The following DLG2 variants were observed in gnomAD, a reference collection of about 807,000 sequenced individuals.
The protein encoded by DLG2 is discs large MAGUK scaffold protein 2, also known as disks large homolog 2.
DLG2 carries 45 observed loss-of-function variants against 132.5 expected under a neutral mutation model. The observed-to-expected ratio is 0.34, with a 90% confidence interval of 0.27 to 0.44. DLG2 has a LOEUF of 0.44. DLG2 is among the 20% of genes least tolerant of loss of function. The pLI, the probability that DLG2 is intolerant of heterozygous loss-of-function variation, is 1.00. For missense variants in DLG2, 1,045 were observed against 1,196.9 expected, an observed-to-expected ratio of 0.87 and a Z score of 1.87; for synonymous variants, 424 against 419.6, an observed-to-expected ratio of 1.01 and a Z score of -0.13.
chr11:83,894,220 T>C (rs1371180633), intron 15 of DLG2, among the ~76,000 whole-genome samples: 1 of 152,192 alleles, frequency 6.6e-6, no homozygotes, highest in Non-Finnish European at 1.5e-5. Flanking sequence ...CTGTGCTAGG[T>C]AGTATAAGAG....
intron 7 of DLG2, among the ~76,000 whole-genome samples, chr11:84,283,942 C>CA (rs113907500): frequency 2.8e-4 from 42 of 151,944 alleles, no homozygotes; most frequent in Admixed American, 2.4e-3. Context: ...CTCTTAAAAA[C>CA]AAAAAAACAA....
At chr11:85,490,713 A>C (rs1376901874) in intron 3 of DLG2, among the ~76,000 whole-genome samples, 1 of 152,072 alleles carries the variant, frequency 6.6e-6, no homozygotes, top group Non-Finnish European at 1.5e-5. Flanking sequence ...GAAATGGATA[A>C]ATTTCTAAAA....
chr11:84,815,867 C>T (rs1566039176), intron 6 of DLG2, among the ~76,000 whole-genome samples: 1 of 151,968 alleles, frequency 6.6e-6, no homozygotes, highest in African/African-American at 2.4e-5. Flanking sequence ...AAGCCATTTC[C>T]TTCTCTCATC....
At chr11:84,844,105 TTGTGTGTGTGTGTG>T (rs1213298818) in intron 6 of DLG2, among the ~76,000 whole-genome samples, 77 of 80,936 alleles carry the variant, frequency 9.5e-4, no homozygotes, top group African/African-American at 3.2e-3. Flanking sequence ...ATATATATGT[TTGTGTGTGTGTGTG>T]TGTGTGTGTG....
At chr11:84,508,955 T>C (rs2099249906) in intron 7 of DLG2, among the ~76,000 whole-genome samples, 1 of 152,196 alleles carries the variant, frequency 6.6e-6, no homozygotes, top group Non-Finnish European at 1.5e-5. Context: ...ACCGTCTTAC[T>C]ACCAATGTAT....
intron 3 of DLG2, among the ~76,000 whole-genome samples, chr11:85,344,161 T>C (rs1338095160): frequency 6.6e-6 from 1 of 152,172 alleles, no homozygotes; most frequent in Admixed American, 6.5e-5. Context: ...AAAATGCAAA[T>C]AATACTTGCT....
chr11:85,136,476 A>G (rs1241724918), intron 5 of DLG2, among the ~76,000 whole-genome samples: 1 of 152,026 alleles, frequency 6.6e-6, no homozygotes, highest in African/African-American at 2.4e-5. Flanking sequence ...ATTGACATGA[A>G]GCATTTTTTT....
At position 84,622,105 on chromosome 11, in the gene DLG2, T is replaced by C. The variant is rs529975385; in HGVS notation, c.358-87374A>G. 2.0e-4 allele frequency among the ~76,000 whole-genome samples: 31 copies of C among 152,278 alleles called. No homozygotes were observed. In the South Asian group the frequency reaches 6.4e-3, roughly 32 times the overall value. On this transcript the variant is annotated intron_variant, in intron 6 of 27. Transcript: ENST00000376104. ...GATATAATTTTGACTTAATAGTTTG[T>C]CCACAGAGAATGGGCTGCTTTGTAT...
At chr11:85,476,260 G>A (rs575885400) in intron 3 of DLG2, among the ~76,000 whole-genome samples, 3 of 152,118 alleles carry the variant, frequency 2.0e-5, no homozygotes, top group South Asian at 2.1e-4. Flanking sequence ...ATTTTTAAAC[G>A]ATACTTCTGT....
chr11:83,563,535 T>G (rs546062002), intron 19 of DLG2, among the ~76,000 whole-genome samples: 3 of 152,172 alleles, frequency 2.0e-5, no homozygotes. Context: ...AACACAACTT[T>G]CTGTAAAACT....
chr11:84,984,102 A>C (rs187815301), intron 6 of DLG2, among the ~76,000 whole-genome samples: 1 of 152,338 alleles, frequency 6.6e-6, no homozygotes. Context: ...ATAATTAAGT[A>C]AAACTTCCCT....
intron 6 of DLG2, among the ~76,000 whole-genome samples, chr11:84,589,246 T>C (rs2099537158): frequency 1.3e-5 from 2 of 152,158 alleles, no homozygotes; most frequent in Admixed American, 1.3e-4. Context: ...ATAGCAAATC[T>C]GGAGAAATAT....
At chr11:84,701,092 C>T (rs1189107230) in intron 6 of DLG2, among the ~76,000 whole-genome samples, 1 of 151,652 alleles carries the variant, frequency 6.6e-6, no homozygotes, top group East Asian at 1.9e-4. Flanking sequence ...TGAGACCATC[C>T]TGTCTTCCTC....
At chr11:84,798,296 G>A (rs564082267) in intron 6 of DLG2, among the ~76,000 whole-genome samples, 1 of 152,172 alleles carries the variant, frequency 6.6e-6, no homozygotes, top group Non-Finnish European at 1.5e-5. Context: ...TTTCAGTGAT[G>A]CTATCTGAAA....
At chr11:85,285,410 T>C in intron 3 of DLG2, 45 bp from the exon 4 acceptor site, 1 of 1,579,414 alleles carries the variant, frequency 6.3e-7, no homozygotes, top group African/African-American at 1.4e-5. Context: ...AATGCATGAC[T>C]TCATAAATAG....
chr11:84,421,714 G>GC (rs1297624182), intron 7 of DLG2, among the ~76,000 whole-genome samples: 1 of 151,972 alleles, frequency 6.6e-6, no homozygotes, highest in Non-Finnish European at 1.5e-5. Flanking sequence ...TTACCATCTG[G>GC]CCCCAGCTGA....
chr11:84,721,728 C>A (rs1231960907), intron 6 of DLG2, among the ~76,000 whole-genome samples: 1 of 152,158 alleles, frequency 6.6e-6, no homozygotes, highest in Non-Finnish European at 1.5e-5. Context: ...GAGAGCAAAA[C>A]ATCCGAGTTT....
chr11:84,452,414 T>C (rs1047359996), intron 7 of DLG2, among the ~76,000 whole-genome samples: 1 of 151,766 alleles, frequency 6.6e-6, no homozygotes, highest in African/African-American at 2.4e-5. Context: ...AATACCATGA[T>C]ATGACTAATG....
At chr11:85,544,234 T>C (rs1340256741) in intron 3 of DLG2, among the ~76,000 whole-genome samples, 2 of 152,226 alleles carry the variant, frequency 1.3e-5, no homozygotes, top group Non-Finnish European at 2.9e-5. Flanking sequence ...CCAAGACCAC[T>C]TATTAAATAG....
Sources: gnomAD v4.1 joint callset for allele counts (sites outside exome capture counted in the v4.1 genomes callset) on GRCh38, gnomAD v4.1.1 for gene constraint, MANE v1.5 for transcripts, NCBI Gene and HGNC (gene_info 2026-07-23, HGNC 2026-07-21) for gene names.